Variants in TSGA10 observed in about 807,000 individuals in gnomAD.
TSGA10 encodes testis specific 10.
A neutral mutation model predicts 96.6 loss-of-function variants in TSGA10; 43 were observed. That is an observed-to-expected ratio of 0.44 (90% CI 0.35 to 0.57). The LOEUF (loss-of-function observed/expected upper bound fraction) is 0.57, where lower values mean the gene tolerates loss of function less well. TSGA10 is among the 20% of genes least tolerant of loss of function. The probability of loss-of-function intolerance (pLI) is 0.01; values close to 1 mark genes in which losing one functional copy is unlikely to be tolerated. For missense variants in TSGA10, 703 were observed against 834.4 expected (o/e 0.84, Z 1.94); for synonymous variants, 229 against 269.9 (o/e 0.85, Z 1.48).
intron 17 of TSGA10, among the ~76,000 whole-genome samples, chr2:99,032,453 T>C (rs575395036): frequency 1.3e-5 from 2 of 152,306 alleles, no homozygotes; most frequent in African/African-American, 2.4e-5. Flanking sequence ...TTGTATAATA[T>C]GTAGTGACCG....
At chr2:99,110,322 A>T (rs960211684) in intron 5 of TSGA10, among the ~76,000 whole-genome samples, 1 of 152,250 alleles carries the variant, frequency 6.6e-6, no homozygotes. Context: ...ATTTAGAAAC[A>T]CTTCTTTGAC....
intron 11 of TSGA10, among the ~76,000 whole-genome samples, chr2:99,079,787 A>C (rs1558946796): frequency 6.6e-6 from 1 of 152,194 alleles, no homozygotes; most frequent in Non-Finnish European, 1.5e-5. Flanking sequence ...GCTCTGTTAG[A>C]CAGACTTCTA....
At chr2:99,071,626 T>C (rs2085974428) in intron 14 of TSGA10, 80 bp downstream of exon 14, 3 of 1,403,036 alleles carry the variant, frequency 2.1e-6, no homozygotes. Flanking sequence ...AGCTCTTCTA[T>C]AAAATAAAAT....
chr2:99,105,761 AT>A, intron 7 of TSGA10, 64 bp from the exon 8 acceptor site: 1 of 1,422,642 alleles, frequency 7.0e-7, no homozygotes, highest in East Asian at 2.3e-5. Flanking sequence ...AAAAAATTTT[AT>A]GTATCTAGCC....
intron 4 of TSGA10, among the ~76,000 whole-genome samples, chr2:99,111,875 CA>C (rs1433136476): frequency 3.3e-5 from 5 of 152,020 alleles, no homozygotes; most frequent in East Asian, 1.9e-4. Context: ...ATTCACTCTG[CA>C]AAACAGAGTA....
intron 17 of TSGA10, among the ~76,000 whole-genome samples, chr2:99,034,759 T>G (rs190171670): frequency 1.3e-5 from 2 of 152,248 alleles, no homozygotes; most frequent in East Asian, 3.9e-4. Context: ...ACAAATTATT[T>G]GTATGTCAAT....
At chr2:99,150,660 G>T in intron 1 of TSGA10, 1 of 1,613,976 alleles carries the variant, frequency 6.2e-7, no homozygotes, top group Admixed American at 1.7e-5. Flanking sequence ...AAAGCAGGTT[G>T]GAACCAGCGA....
rs2085114100 is a variant in TSGA10 at position 99,065,057 on chromosome 2, T to C, written c.1286A>G (p.Asn429Ser). 1 of 1,613,922 alleles carries C rather than the reference T, an allele frequency of 6.2e-7. No homozygotes were observed. Among genetic ancestry groups the C allele is most frequent in the Non-Finnish European group, 8.5e-7 (1 of 1,179,914 alleles). The change falls in exon 16 of 21, where the codon AAT becomes AGT. Residue 429 changes from asparagine (N) to serine (S), a missense_variant. This residue lies in a region of TSGA10 where 585 missense variants were observed against 656.8 expected (regional missense o/e 0.89). Coordinates refer to ENST00000393483, the MANE Select transcript of TSGA10 (RefSeq NM_025244.4). ...ATCTGCCTCTGATTGACGGGCTTTA[T>C]TTTCCCAGTTTTCAGCATCTTCATT... Reference protein sequence around the residue: ...KANEDAENWENKARQSEADNN... With the variant: ...KANEDAENWESKARQSEADNN...
chr2:99,014,586 G>C (rs1247585704), intron 20 of TSGA10, among the ~76,000 whole-genome samples: 1 of 152,034 alleles, frequency 6.6e-6, no homozygotes, highest in Admixed American at 6.6e-5. Context: ...GAAGGAACTA[G>C]AGAAACAAGA....
intron 10 of TSGA10, among the ~76,000 whole-genome samples, chr2:99,090,951 C>T (rs1049901993): frequency 1.3e-5 from 2 of 152,150 alleles, no homozygotes; most frequent in Non-Finnish European, 2.9e-5. Context: ...ACAAAAAGAT[C>T]ATCACCTAGG....
At chr2:99,073,295 G>C (rs1361316492) in intron 12 of TSGA10, among the ~76,000 whole-genome samples, 1 of 152,068 alleles carries the variant, frequency 6.6e-6, no homozygotes, top group African/African-American at 2.4e-5. Context: ...GCTATACTTA[G>C]GTGTAATTAT....
chr2:99,141,181 A>C (rs575913129), intron 1 of TSGA10: 1 of 1,230,904 alleles, frequency 8.1e-7, no homozygotes, highest in Non-Finnish European at 1.0e-6. Context: ...GGGATACAAG[A>C]ACCGCCCACT....
intron 2 of TSGA10, chr2:99,126,799 G>C (rs928487631): frequency 5.5e-5 from 10 of 181,940 alleles, no homozygotes; most frequent in South Asian, 1.0e-4. Flanking sequence ...TCACTTTTTC[G>C]CAAGTTGGGG....
At chr2:99,141,339 T>C (rs2093544660) in intron 1 of TSGA10, 1 of 240,238 alleles carries the variant, frequency 4.2e-6, no homozygotes, top group African/African-American at 2.4e-5. Context: ...CCTCACGCTC[T>C]GTACCGGAGT....
intron 10 of TSGA10, among the ~76,000 whole-genome samples, chr2:99,099,694 A>G (rs2090476741): frequency 6.6e-6 from 1 of 152,216 alleles, no homozygotes; most frequent in Admixed American, 6.5e-5. Flanking sequence ...CAAGAAATAT[A>G]TTGAATAGTT....
At chr2:99,133,374 TA>T (rs1337698622) in intron 1 of TSGA10, among the ~76,000 whole-genome samples, 2 of 152,212 alleles carry the variant, frequency 1.3e-5, no homozygotes, top group Non-Finnish European at 2.9e-5. Flanking sequence ...TTTGTTGGTT[TA>T]AAGTCTGTTT....
chr2:99,085,609 T>TTAAAAAAAAAAAA (rs2088197926), intron 10 of TSGA10, among the ~76,000 whole-genome samples: 1 of 52,470 alleles, frequency 1.9e-5, no homozygotes, highest in Non-Finnish European at 3.2e-5. Context: ...ATCCTGTCTT[T>TTAAAAAAAAAAAA]AAAAAAAAAA....
intron 10 of TSGA10, among the ~76,000 whole-genome samples, chr2:99,101,235 ACT>A (rs1295703877): frequency 9.4e-6 from 1 of 105,942 alleles, no homozygotes; most frequent in East Asian, 3.4e-4. Context: ...ACAGAGTGAG[ACT>A]CTGTCTCAAA....
chr2:99,129,213 TTATA>T (rs937592193), intron 1 of TSGA10, among the ~76,000 whole-genome samples: 2 of 152,158 alleles, frequency 1.3e-5, no homozygotes, highest in African/African-American at 2.4e-5. Flanking sequence ...TAATTGATAT[TTATA>T]TATATAGAAG....
Sources: allele counts gnomAD v4.1 joint callset (sites outside exome capture counted in the v4.1 genomes callset), GRCh38; gene constraint gnomAD v4.1.1; regional missense constraint gnomAD v4.1.1; transcripts MANE v1.5; gene names NCBI Gene and HGNC (gene_info 2026-07-23, HGNC 2026-07-21).